The following MARCHF1 variants were observed in gnomAD, a reference collection of about 807,000 sequenced individuals.
MARCHF1 encodes membrane associated ring-CH-type finger 1.
A neutral mutation model predicts 54.2 loss-of-function variants in MARCHF1; 40 were observed. The observed-to-expected ratio is 0.74, with a 90% CI of 0.57 to 0.96. The LOEUF (loss-of-function observed/expected upper bound fraction) is 0.96, where lower values mean the gene tolerates loss of function less well. Among genes scored for constraint, MARCHF1 ranks in the 40% least tolerant of loss-of-function variants. The pLI is 0.00. For missense variants in MARCHF1, 586 were observed against 656.5 expected, an observed-to-expected ratio of 0.89 and a Z score of 1.17; for synonymous variants, 236 against 236.3, an observed-to-expected ratio of 1.00 and a Z score of 0.01.
At chr4:163,996,066 T>A (rs1303185320) in intron 2 of MARCHF1, among the ~76,000 whole-genome samples, 1 of 152,024 alleles carries the variant, frequency 6.6e-6, no homozygotes, top group East Asian at 1.9e-4. Context: ...GTTTTTTATA[T>A]CTGAAAGATC....
At chr4:164,342,598 C>A (rs1729962913) in intron 1 of MARCHF1, among the ~76,000 whole-genome samples, 1 of 151,788 alleles carries the variant, frequency 6.6e-6, no homozygotes, top group African/African-American at 2.4e-5. Context: ...TATAATCCAT[C>A]ATTTCTACTT....
At chr4:163,734,619 A>G (rs1745980567) in intron 4 of MARCHF1, among the ~76,000 whole-genome samples, 4 of 152,078 alleles carry the variant, frequency 2.6e-5, no homozygotes. Context: ...ATTCTAGAAC[A>G]GTCAAACTAA....
chr4:163,917,149 G>A (rs772753073), intron 3 of MARCHF1, among the ~76,000 whole-genome samples: 2 of 152,218 alleles, frequency 1.3e-5, no homozygotes, highest in East Asian at 1.9e-4. Context: ...TGCACTTGGA[G>A]TTCTTCCATG....
At chr4:163,551,171 A>T (rs1739095504) in intron 8 of MARCHF1, among the ~76,000 whole-genome samples, 1 of 152,238 alleles carries the variant, frequency 6.6e-6, no homozygotes, top group African/African-American at 2.4e-5. Context: ...AAATTACATA[A>T]TTCATTTATT....
At chr4:163,693,587 A>C (rs1471721645) in intron 5 of MARCHF1, among the ~76,000 whole-genome samples, 1 of 151,418 alleles carries the variant, frequency 6.6e-6, no homozygotes, top group Non-Finnish European at 1.5e-5. Flanking sequence ...GGAGAACTGC[A>C]GTGAAAACCC....
At chr4:163,779,299 A>G (rs548282714) in intron 4 of MARCHF1, among the ~76,000 whole-genome samples, 1 of 152,310 alleles carries the variant, frequency 6.6e-6, no homozygotes, top group South Asian at 2.1e-4. Context: ...GTTATAAGTA[A>G]TAGTTAAATA....
intron 4 of MARCHF1, among the ~76,000 whole-genome samples, chr4:163,792,278 GAAGT>G (rs1246012040): frequency 6.6e-6 from 1 of 152,076 alleles, no homozygotes; most frequent in African/African-American, 2.4e-5. Context: ...AAATATAAAG[GAAGT>G]AAGAGCTACT....
chr4:163,672,901 C>T (rs75613750), intron 5 of MARCHF1, among the ~76,000 whole-genome samples: 230 of 152,268 alleles, frequency 1.5e-3, no homozygotes, highest in African/African-American at 4.9e-3. Flanking sequence ...TTTTGTCACA[C>T]GTCCTTTTTC....
chr4:163,654,687 A>G (rs1042114139), intron 5 of MARCHF1, among the ~76,000 whole-genome samples: 6 of 151,510 alleles, frequency 4.0e-5, no homozygotes, highest in African/African-American at 1.2e-4. Context: ...TTTGCCATTT[A>G]TTGGCCTGTT....
At chr4:164,075,854 A>G (rs2111101614) in intron 2 of MARCHF1, among the ~76,000 whole-genome samples, 2 of 152,270 alleles carry the variant, frequency 1.3e-5, no homozygotes, top group East Asian at 3.9e-4. Flanking sequence ...AACTGAACCT[A>G]TCTCCCTCTA....
In MARCHF1 at chr4:164,003,532, A is replaced by G. The variant is rs544563611; in HGVS notation, c.-247-14823T>C. On this transcript the variant is annotated intron_variant, in intron 2 of 9. Transcript: ENST00000514618. ...CACTATTCAAAACAAACTAGAATTC[A>G]GAAATCAAATAGTACTAGAAATAAA... Among the ~76,000 whole-genome samples, 3 of 152,210 alleles carry G rather than the reference A, an allele frequency of 2.0e-5. No homozygotes were observed. In the East Asian group the frequency reaches 5.8e-4, roughly 29 times the overall value.
chr4:164,305,932 G>C (rs1460332520), intron 1 of MARCHF1, among the ~76,000 whole-genome samples: 1 of 151,282 alleles, frequency 6.6e-6, no homozygotes, highest in Non-Finnish European at 1.5e-5. Flanking sequence ...TCACACAAAA[G>C]AATAGTACCG....
chr4:164,272,095 T>C (rs1409825542), intron 1 of MARCHF1, among the ~76,000 whole-genome samples: 1 of 151,946 alleles, frequency 6.6e-6, no homozygotes, highest in African/African-American at 2.4e-5. Flanking sequence ...TTTACATCCA[T>C]GAGCCTGATA....
chr4:164,161,865 T>G (rs1041985293), intron 1 of MARCHF1, among the ~76,000 whole-genome samples: 1 of 152,106 alleles, frequency 6.6e-6, no homozygotes, highest in Non-Finnish European at 1.5e-5. Context: ...TCCAATGATA[T>G]GTTGTTATTT....
rs765675446 is a variant in MARCHF1 at position 163,585,845 on chromosome 4, G to A, written c.1095C>T (p.Ser365=). 1 of 1,614,082 alleles carries A rather than the reference G, an allele frequency of 6.2e-7. No homozygotes were observed. The highest frequency in any genetic ancestry group is 1.7e-5 in the Admixed American group (1 of 60,010). Reference sequence around the variant, plus strand: ...AGCTCTTTATCCACTGGTGGAGGCAGGACTGGTGGACAAAGCGCAGTGTCC... The same window carrying A: ...AGCTCTTTATCCACTGGTGGAGGCAAGACTGGTGGACAAAGCGCAGTGTCC... The part of the protein sequence containing the change: ...CTGTLRFVHQ[S]CLHQWIKSSD... The change falls in exon 8 of 10, where the codon TCC becomes TCT. Residue 365 remains serine (S), a synonymous_variant. Transcript: ENST00000514618.
chr4:164,275,976 CTCTATCTCAACTGGA>C (rs1039460211), intron 1 of MARCHF1, among the ~76,000 whole-genome samples: 4 of 152,158 alleles, frequency 2.6e-5, no homozygotes, highest in African/African-American at 9.6e-5. Flanking sequence ...TAGTCAATAT[CTCTATCTCAACTGGA>C]TCTATCTCAA....
intron 2 of MARCHF1, among the ~76,000 whole-genome samples, chr4:164,068,604 G>A (rs180711793): frequency 3.3e-4 from 51 of 152,268 alleles, no homozygotes; most frequent in South Asian, 1.5e-3. Context: ...GGCAGCACTC[G>A]GGACCTGCAA....
chr4:163,657,493 T>C (rs970092766), intron 5 of MARCHF1, among the ~76,000 whole-genome samples: 1 of 152,068 alleles, frequency 6.6e-6, no homozygotes, highest in African/African-American at 2.4e-5. Context: ...CCCCAAGTAA[T>C]TTATAGTTTC....
At chr4:163,628,060 T>C (rs1560983251) in intron 5 of MARCHF1, among the ~76,000 whole-genome samples, 1 of 151,912 alleles carries the variant, frequency 6.6e-6, no homozygotes, top group African/African-American at 2.4e-5. Context: ...GCACAAATGA[T>C]AAAATAAACT....
Sources: allele counts gnomAD v4.1 joint callset (sites outside exome capture counted in the v4.1 genomes callset), GRCh38; gene constraint gnomAD v4.1.1; transcripts MANE v1.5; gene names NCBI Gene and HGNC (gene_info 2026-07-23, HGNC 2026-07-21).